Variants in PRKD3 observed in about 807,000 individuals in gnomAD.
The protein encoded by PRKD3 is serine/threonine-protein kinase D3.
In PRKD3, 47 loss-of-function variants were observed where a neutral mutation model predicts 99.2. That is an observed-to-expected ratio of 0.47 (90% confidence interval 0.38 to 0.60). The LOEUF is 0.60. Among genes scored for constraint, PRKD3 ranks in the 20% least tolerant of loss-of-function variants. The pLI is 0.00. For missense variants in PRKD3, 1,019 were observed against 1,088.4 expected (o/e 0.94, Z 0.90); for synonymous variants, 392 against 355.4 (o/e 1.10, Z -1.16).
At position 37,252,358 on chromosome 2, in the gene PRKD3, A is replaced by C. The variant is rs1667566846; in HGVS notation, c.*819T>G. 6.6e-6 allele frequency: 1 copy of C among 152,226 alleles called. No homozygotes were observed. Among genetic ancestry groups the C allele is most frequent in the Non-Finnish European group, 1.5e-5 (1 of 68,046 alleles). The allele number at this position is 152,226 out of a possible 1,614,324, so 9.4% of individuals were successfully genotyped here. Reference sequence around the variant, plus strand: ...CCAGTACTGGCATCAAGATGGTGTCAGTCAGAACATGCATATTTAGCAGCA... The same window carrying C: ...CCAGTACTGGCATCAAGATGGTGTCCGTCAGAACATGCATATTTAGCAGCA... On this transcript the variant is annotated 3_prime_UTR_variant, in exon 19 of 19. Transcript: ENST00000234179.
intron 1 of PRKD3, 95 bp from the exon 2 acceptor site, chr2:37,317,274 G>A (rs1671706092): frequency 1.9e-6 from 1 of 532,962 alleles, no homozygotes; most frequent in Admixed American, 6.4e-5. Context: ...ACAATTTTTG[G>A]TCATATGCTT....
chr2:37,258,437 T>G (rs1668149689), intron 16 of PRKD3, among the ~76,000 whole-genome samples: 4 of 152,194 alleles, frequency 2.6e-5, no homozygotes, highest in African/African-American at 4.8e-5. Context: ...GGCAACTGAT[T>G]AAAGAAGTGG....
At chr2:37,296,905 A>G in intron 2 of PRKD3, among the ~76,000 whole-genome samples, 1 of 150,856 alleles carries the variant, frequency 6.6e-6, no homozygotes, top group African/African-American at 2.4e-5. Flanking sequence ...GTCTCAAAAA[A>G]AAAAAAAAAA....
intron 18 of PRKD3, among the ~76,000 whole-genome samples, 167 bp downstream of exon 18, chr2:37,254,037 C>T (rs1373016345): frequency 6.6e-6 from 1 of 152,146 alleles, no homozygotes; most frequent in Non-Finnish European, 1.5e-5. Flanking sequence ...CCTGTCATTA[C>T]CGATCTGAAT....
At chr2:37,261,060 A>G (rs1668400454) in intron 14 of PRKD3, among the ~76,000 whole-genome samples, 1 of 152,218 alleles carries the variant, frequency 6.6e-6, no homozygotes, top group Non-Finnish European at 1.5e-5. Context: ...GTGGCTCTTT[A>G]TTTCTGGACA....
At chr2:37,270,208 C>T (rs1262457213) in intron 12 of PRKD3, among the ~76,000 whole-genome samples, 6 of 150,662 alleles carry the variant, frequency 4.0e-5, no homozygotes, top group Non-Finnish European at 1.5e-5. Context: ...GCCTGGGCAA[C>T]AAGAGCGAGA....
chr2:37,302,452 A>G (rs1670979365), intron 2 of PRKD3, among the ~76,000 whole-genome samples: 1 of 152,204 alleles, frequency 6.6e-6, no homozygotes, highest in Non-Finnish European at 1.5e-5. Flanking sequence ...TTCTATAACC[A>G]TTTTAGACGT....
chr2:37,299,919 T>TTA (rs1670848229), intron 2 of PRKD3, among the ~76,000 whole-genome samples: 1 of 152,108 alleles, frequency 6.6e-6, no homozygotes, highest in Non-Finnish European at 1.5e-5. Flanking sequence ...AGGGGAATGC[T>TTA]TATACACTAT....
Position 37,300,858 on chromosome 2 carries a change from T to C in PRKD3, c.289-7587A>G, listed in dbSNP as rs367961040. Among the ~76,000 whole-genome samples, 47 of 152,338 alleles carry C rather than the reference T, an allele frequency of 3.1e-4. 1 individual carries two copies. In the East Asian group the frequency reaches 7.3e-3, roughly 24 times the overall value. On this transcript the variant is annotated intron_variant, in intron 2 of 18. Coordinates refer to ENST00000234179, the MANE Select transcript of PRKD3 (RefSeq NM_005813.6). The stretch of plus-strand genomic sequence containing the variant: ...CTCAAAGAAAACGCATATTTGAAAT[T>C]TGTAGATACTGCCAAATTGCTCTTT...
At chr2:37,257,671 G>GAAA (rs1164110574) in intron 16 of PRKD3, among the ~76,000 whole-genome samples, 4 of 28,540 alleles carry the variant, frequency 1.4e-4, no homozygotes, top group Non-Finnish European at 2.9e-4. Context: ...TGTCTCAAAA[G>GAAA]AAAAAAAAAA....
At chr2:37,317,522 A>T (rs1410421746) in intron 1 of PRKD3, among the ~76,000 whole-genome samples, 1 of 152,112 alleles carries the variant, frequency 6.6e-6, no homozygotes, top group Non-Finnish European at 1.5e-5. Context: ...AAGGGACAAA[A>T]AACAGTAAAA....
chr2:37,259,252 C>G (rs779227952), intron 16 of PRKD3, among the ~76,000 whole-genome samples: 5 of 152,182 alleles, frequency 3.3e-5, no homozygotes, highest in Non-Finnish European at 7.3e-5. Flanking sequence ...TCCAGTAACA[C>G]CCCATTTGTT....
At chr2:37,319,959 T>C (rs1249123363) in intron 1 of PRKD3, among the ~76,000 whole-genome samples, 1 of 152,172 alleles carries the variant, frequency 6.6e-6, no homozygotes, top group Non-Finnish European at 1.5e-5. Context: ...GTTGCAAGGA[T>C]TGAGCTACGG....
intron 13 of PRKD3, 50 bp from the exon 14 acceptor site, chr2:37,267,586 T>C: frequency 1.5e-6 from 2 of 1,324,994 alleles, no homozygotes; most frequent in Non-Finnish European, 2.2e-6. Context: ...GACAGCTTTA[T>C]TAGGGAGTTG....
At chr2:37,261,765 A>C (rs1023228799) in intron 14 of PRKD3, among the ~76,000 whole-genome samples, 1 of 149,218 alleles carries the variant, frequency 6.7e-6, no homozygotes, top group Non-Finnish European at 1.5e-5. Flanking sequence ...GGGCAACAAG[A>C]GCAAAACTCT....
At chr2:37,283,035 C>A (rs1326237699) in intron 6 of PRKD3, among the ~76,000 whole-genome samples, 3 of 152,204 alleles carry the variant, frequency 2.0e-5, no homozygotes, top group Non-Finnish European at 2.9e-5. Context: ...CTAATAAGGG[C>A]TTTCACATAC....
chr2:37,294,064 A>C (rs184489527), intron 2 of PRKD3, among the ~76,000 whole-genome samples: 12 of 152,246 alleles, frequency 7.9e-5, no homozygotes, highest in African/African-American at 2.4e-4. Context: ...TAATTTTCTC[A>C]TTAGAAAAGT....
intron 18 of PRKD3, among the ~76,000 whole-genome samples, chr2:37,253,821 CTT>C (rs1667714728): frequency 6.6e-6 from 1 of 152,124 alleles, no homozygotes; most frequent in South Asian, 2.1e-4. Flanking sequence ...TGGAGGGTAT[CTT>C]TTGATAAATC....
chr2:37,289,763 T>C (rs374782566), intron 4 of PRKD3, among the ~76,000 whole-genome samples: 2 of 152,058 alleles, frequency 1.3e-5, no homozygotes, highest in African/African-American at 4.8e-5. Context: ...ACCTGGAAAT[T>C]TGTTAGAAAT....
Sources: allele counts gnomAD v4.1 joint callset (sites outside exome capture counted in the v4.1 genomes callset), GRCh38; gene constraint gnomAD v4.1.1; transcripts MANE v1.5; gene names NCBI Gene and HGNC (gene_info 2026-07-23, HGNC 2026-07-21).